TEX9: variants seen among roughly 807,000 people sequenced by gnomAD.
The protein encoded by TEX9 is testis-expressed protein 9.
A neutral mutation model predicts 59.6 loss-of-function variants in TEX9; 74 were observed. The ratio of observed to expected loss-of-function variants is 1.24; its 90% confidence interval spans 1.03 to 1.51. The LOEUF is 1.51. Among genes scored for constraint, TEX9 ranks in the 40% most tolerant of loss-of-function variants. The pLI, the probability that TEX9 is intolerant of heterozygous loss-of-function variation, is 0.00. For synonymous variants in TEX9, 186 were observed against 152.2 expected (o/e 1.22, Z -1.64); for missense variants, 522 against 447.8 (o/e 1.17, Z -1.49).
intron 9 of TEX9, among the ~76,000 whole-genome samples, chr15:56,406,783 A>T (rs1427239823): frequency 6.6e-6 from 1 of 152,116 alleles, no homozygotes; most frequent in African/African-American, 2.4e-5. Context: ...TGCCCATTCG[A>T]AAATACTAAG....
At chr15:56,314,269 T>A (rs1172695211) in intron 1 of TEX9, among the ~76,000 whole-genome samples, 39 of 72,108 alleles carry the variant, frequency 5.4e-4, no homozygotes, top group African/African-American at 7.9e-4. Context: ...TCTTTCCTGC[T>A]TTCTCTTGTG....
At chr15:56,444,788 T>A in intron 12 of TEX9, 2 of 966,604 alleles carry the variant, frequency 2.1e-6, no homozygotes, top group Admixed American at 5.1e-5. Context: ...ATAAATTTTT[T>A]CATCTGTCTA....
chr15:56,279,327 C>T (rs1204933817), intron 1 of TEX9, among the ~76,000 whole-genome samples: 2 of 152,102 alleles, frequency 1.3e-5, no homozygotes, highest in African/African-American at 4.8e-5. Context: ...AACAGGAGAC[C>T]TGTTAAGGAA....
At chr15:56,359,662 A>C (rs2046754835) in intron 1 of TEX9, among the ~76,000 whole-genome samples, 1 of 152,094 alleles carries the variant, frequency 6.6e-6, no homozygotes, top group Non-Finnish European at 1.5e-5. Flanking sequence ...TTTTTTAAAA[A>C]AATTTTCTTT....
chr15:56,265,041 A>G (rs754611195), intron 1 of TEX9, among the ~76,000 whole-genome samples: 4 of 151,928 alleles, frequency 2.6e-5, no homozygotes, highest in Non-Finnish European at 1.5e-5. Flanking sequence ...AAGTCCTCCA[A>G]TTTTGTTCTT....
At chr15:56,259,750 T>C (rs1045320661) in intron 1 of TEX9, among the ~76,000 whole-genome samples, 28 of 152,098 alleles carry the variant, frequency 1.8e-4, no homozygotes, top group Non-Finnish European at 3.5e-4. Flanking sequence ...TTTTGAAATC[T>C]CTAATACATT....
chr15:56,302,362 C>CAT (rs1555431762), intron 1 of TEX9, among the ~76,000 whole-genome samples: 3 of 139,018 alleles, frequency 2.2e-5, no homozygotes, highest in Non-Finnish European at 4.9e-5. Flanking sequence ...CACACACACA[C>CAT]GAACATAAAA....
intron 9 of TEX9, chr15:56,398,331 A>G (rs1596181933): frequency 8.1e-6 from 1 of 123,780 alleles, no homozygotes; most frequent in East Asian, 2.2e-4. Flanking sequence ...AATTAATTTT[A>G]CCTGTTTGTT....
At chr15:56,345,021 A>C (rs1030472804) in intron 1 of TEX9, among the ~76,000 whole-genome samples, 4 of 137,062 alleles carry the variant, frequency 2.9e-5, no homozygotes, top group African/African-American at 1.1e-4. Flanking sequence ...TAGTTTTTCT[A>C]TCTATCTATC....
intron 1 of TEX9, among the ~76,000 whole-genome samples, chr15:56,313,080 G>A (rs1262331088): frequency 6.7e-6 from 1 of 149,860 alleles, no homozygotes; most frequent in Non-Finnish European, 1.5e-5. Flanking sequence ...ATACAATCAT[G>A]TCATCTGCAA....
intron 3 of TEX9, among the ~76,000 whole-genome samples, chr15:56,379,180 C>T (rs759324368): frequency 9.2e-5 from 14 of 151,974 alleles, no homozygotes; most frequent in Non-Finnish European, 1.5e-4. Context: ...GTTGTAGGCA[C>T]TTACAGCTGC....
chr15:56,332,016 TTGG>T, intron 1 of TEX9, among the ~76,000 whole-genome samples: 2 of 127,680 alleles, frequency 1.6e-5, no homozygotes, highest in Non-Finnish European at 3.3e-5. Context: ...TTTTACACTG[TTGG>T]TGGGACTGTA....
intron 1 of TEX9, among the ~76,000 whole-genome samples, chr15:56,324,136 T>TA (rs1462963597): frequency 7.2e-5 from 11 of 151,738 alleles, no homozygotes; most frequent in Admixed American, 3.9e-4. Flanking sequence ...AGTTGTCTCT[T>TA]ACACAAAATA....
intron 1 of TEX9, among the ~76,000 whole-genome samples, chr15:56,332,256 G>A (rs1461971291): frequency 6.6e-6 from 1 of 150,636 alleles, no homozygotes; most frequent in African/African-American, 2.4e-5. Context: ...TTAAGAAAAT[G>A]TGGCACACAT....
At chr15:56,449,135 T>A (rs1443176995), downstream of TEX9, among the ~76,000 whole-genome samples, 1 of 152,170 alleles carries the variant, frequency 6.6e-6, no homozygotes, top group African/African-American at 2.4e-5. Flanking sequence ...TTAATGCCAA[T>A]CCTAGCACCT....
At chr15:56,264,825 T>A (rs1181643717) in intron 1 of TEX9, among the ~76,000 whole-genome samples, 2 of 152,224 alleles carry the variant, frequency 1.3e-5, no homozygotes, top group East Asian at 1.9e-4. Context: ...TTCCAACAGA[T>A]GTCCTTTTCC....
intron 9 of TEX9, among the ~76,000 whole-genome samples, chr15:56,406,175 C>A (rs1293854589): frequency 6.6e-6 from 1 of 152,094 alleles, no homozygotes; most frequent in Non-Finnish European, 1.5e-5. Context: ...ATTAGATTTT[C>A]CTTTTCTAAA....
At chr15:56,344,605 C>T (rs976731998) in intron 1 of TEX9, among the ~76,000 whole-genome samples, 14 of 152,016 alleles carry the variant, frequency 9.2e-5, no homozygotes, top group African/African-American at 3.4e-4. Flanking sequence ...TTGCAAAACT[C>T]TGTGAAAAAC....
In TEX9 at chr15:56,389,889, A is replaced by G. The variant is rs377454862; in HGVS notation, c.395+489A>G. Among the ~76,000 whole-genome samples the G allele has an allele frequency of 4.6e-5, 7 of 152,096 alleles. No individual in the cohort carries two copies. In the East Asian group the frequency reaches 1.3e-3, roughly 29 times the overall value. Reference sequence around the variant, plus strand: ...GAAAGAATTCAAGACGGTTCTTAGTATTATAAGCATAAAAAGGGACCCAAG... The same window carrying G: ...GAAAGAATTCAAGACGGTTCTTAGTGTTATAAGCATAAAAAGGGACCCAAG... On this transcript the variant is annotated intron_variant, in intron 6 of 12. Transcript: ENST00000352903.
Sources: gnomAD v4.1 joint callset for allele counts (sites outside exome capture counted in the v4.1 genomes callset) on GRCh38, gnomAD v4.1.1 for gene constraint, MANE v1.5 for transcripts, NCBI Gene and HGNC (gene_info 2026-07-23, HGNC 2026-07-21) for gene names.